CHRM3: variants seen among roughly 807,000 people sequenced by gnomAD.
The protein encoded by CHRM3 is cholinergic receptor muscarinic 3.
In CHRM3, 11 loss-of-function variants were observed where a neutral mutation model predicts 41.8. The ratio of observed to expected loss-of-function variants is 0.26; its 90% CI spans 0.17 to 0.44. CHRM3 has a LOEUF of 0.44. Among genes scored for constraint, CHRM3 ranks in the 20% least tolerant of loss-of-function variants. CHRM3 has a pLI of 1.00. For missense variants in CHRM3, 571 were observed against 745.4 expected (o/e 0.77, Z 2.72); for synonymous variants, 297 against 301.4 (o/e 0.99, Z 0.15).
chr1:239,592,208 A>G (rs926116301), intron 3 of CHRM3, among the ~76,000 whole-genome samples: 10 of 152,210 alleles, frequency 6.6e-5, no homozygotes, highest in South Asian at 6.2e-4. Flanking sequence ...AGACATTGTA[A>G]TGGCATAACT....
At position 239,695,034 on chromosome 1, in the gene CHRM3, C is replaced by T. The variant is rs138195180; in HGVS notation, c.-147+16746C>T. On this transcript the variant is annotated intron_variant, in intron 5 of 6. Transcript: ENST00000676153. ...TGTATACAATTTTATTTTTTTGAGA[C>T]GGAGTCTCGCTCTGTTGCCCAGCTG... 5.8e-3 allele frequency among the ~76,000 whole-genome samples: 889 copies of T among 152,142 alleles called. 8 individuals carry two copies. Among genetic ancestry groups the T allele is most frequent in the African/African-American group, 0.02 (847 of 41,538 alleles).
intron 5 of CHRM3, among the ~76,000 whole-genome samples, chr1:239,711,692 CTTT>C (rs542108732): frequency 7.2e-5 from 10 of 138,754 alleles, no homozygotes; most frequent in Non-Finnish European, 7.9e-5. Flanking sequence ...TCTCTCTCTG[CTTT>C]TTTTTTTTTT....
At chr1:239,555,186 C>T (rs12088146) in intron 3 of CHRM3, among the ~76,000 whole-genome samples, 1 of 152,100 alleles carries the variant, frequency 6.6e-6, no homozygotes, top group Non-Finnish European at 1.5e-5. Flanking sequence ...TGTGAGCACT[C>T]TGAGACCTAA....
At chr1:239,512,764 T>C (rs1424281026) in intron 2 of CHRM3, among the ~76,000 whole-genome samples, 1 of 152,120 alleles carries the variant, frequency 6.6e-6, no homozygotes, top group African/African-American at 2.4e-5. Flanking sequence ...TGTAGAGGCT[T>C]TAATTCCAAA....
chr1:239,577,856 A>G (rs1662518145), intron 3 of CHRM3, among the ~76,000 whole-genome samples: 2 of 152,088 alleles, frequency 1.3e-5, no homozygotes, highest in Admixed American at 1.3e-4. Context: ...TGTCACTGGC[A>G]TCCTCTAAAG....
intron 5 of CHRM3, among the ~76,000 whole-genome samples, chr1:239,823,539 G>A (rs927108946): frequency 3.3e-5 from 5 of 151,972 alleles, no homozygotes; most frequent in African/African-American, 1.2e-4. Context: ...CCTGATCCCC[G>A]CCCTCTCAGC....
intron 5 of CHRM3, among the ~76,000 whole-genome samples, chr1:239,815,699 C>T (rs1671519749): frequency 1.3e-5 from 2 of 152,164 alleles, no homozygotes; most frequent in South Asian, 4.1e-4. Flanking sequence ...AAATGCAAAA[C>T]AAAATGATAG....
chr1:239,783,748 G>C (rs1668679066), intron 5 of CHRM3, among the ~76,000 whole-genome samples: 2 of 152,134 alleles, frequency 1.3e-5, no homozygotes, highest in Admixed American at 1.3e-4. Flanking sequence ...TATATGTGCA[G>C]GTTTGTCACA....
At chr1:239,446,561 T>C (rs1392329128) in intron 1 of CHRM3, among the ~76,000 whole-genome samples, 1 of 152,196 alleles carries the variant, frequency 6.6e-6, no homozygotes, top group Non-Finnish European at 1.5e-5. Context: ...ATGAGCTACC[T>C]TTTCACTTGG....
At chr1:239,527,081 C>T (rs1196180976) in intron 2 of CHRM3, among the ~76,000 whole-genome samples, 1 of 152,116 alleles carries the variant, frequency 6.6e-6, no homozygotes, top group African/African-American at 2.4e-5. Context: ...GCCATGATCA[C>T]GCCACTGGAT....
At chr1:239,505,615 G>A (rs553119035) in intron 2 of CHRM3, among the ~76,000 whole-genome samples, 19 of 152,210 alleles carry the variant, frequency 1.2e-4, no homozygotes, top group South Asian at 8.3e-4. Flanking sequence ...GCCCAGTCTC[G>A]GATGTGTCTT....
intron 6 of CHRM3, among the ~76,000 whole-genome samples, chr1:239,860,383 A>C (rs1041535723): frequency 2.0e-5 from 3 of 152,224 alleles, no homozygotes; most frequent in African/African-American, 7.2e-5. Flanking sequence ...ATGGTATAAA[A>C]GCATACATGC....
intron 6 of CHRM3, among the ~76,000 whole-genome samples, chr1:239,862,732 G>A (rs1467321218): frequency 6.6e-6 from 1 of 152,156 alleles, no homozygotes; most frequent in African/African-American, 2.4e-5. Context: ...AGCAAAACAA[G>A]GAGATCATAG....
intron 3 of CHRM3, among the ~76,000 whole-genome samples, chr1:239,578,036 A>C (rs1239020634): frequency 5.3e-5 from 8 of 152,200 alleles, no homozygotes; most frequent in Admixed American, 5.2e-4. Flanking sequence ...CAATGCTGTA[A>C]GCCTCAAGAA....
chr1:239,400,527 C>T (rs946963528), intron 1 of CHRM3, among the ~76,000 whole-genome samples: 13 of 152,000 alleles, frequency 8.6e-5, no homozygotes, highest in South Asian at 2.1e-4. Context: ...AGTTCTTTGC[C>T]GAGACTAATG....
intron 2 of CHRM3, among the ~76,000 whole-genome samples, chr1:239,543,889 C>T (rs72756749): frequency 0.027 from 4,065 of 152,270 alleles, 64 homozygotes; most frequent in Middle Eastern, 0.041. Flanking sequence ...AACTACTCAA[C>T]TCTGCCATGG....
chr1:239,627,075 T>G (rs1267125628), intron 3 of CHRM3, among the ~76,000 whole-genome samples: 4 of 131,246 alleles, frequency 3.0e-5, no homozygotes, highest in Admixed American at 1.6e-4. Flanking sequence ...TTCTGTCTCG[T>G]TGATCTGTCT....
chr1:239,743,788 C>CTTTTTTTTTTTTTTTTTTTTTTTTT (rs10718514), intron 5 of CHRM3, among the ~76,000 whole-genome samples: 7 of 81,204 alleles, frequency 8.6e-5, no homozygotes, highest in Non-Finnish European at 1.4e-4. Context: ...TTTTTTTTTT[C>CTTTTTTTTTTTTTTTTTTTTTTTTT]TTTTTTTTTT....
At chr1:239,507,247 A>AT (rs1234390475) in intron 2 of CHRM3, among the ~76,000 whole-genome samples, 7 of 152,180 alleles carry the variant, frequency 4.6e-5, no homozygotes, top group Non-Finnish European at 8.8e-5. Flanking sequence ...CTCATCTTGA[A>AT]TTCCCATGTG....
Sources: gnomAD v4.1 joint callset for allele counts (sites outside exome capture counted in the v4.1 genomes callset) on GRCh38, gnomAD v4.1.1 for gene constraint, MANE v1.5 for transcripts, NCBI Gene and HGNC (gene_info 2026-07-23, HGNC 2026-07-21) for gene names.